Variants in FRMPD2 observed in about 807,000 individuals in gnomAD.
FRMPD2 encodes FERM and PDZ domain containing 2.
FRMPD2 carries 96 observed loss-of-function variants against 140.1 expected under a neutral mutation model. That is an observed-to-expected ratio of 0.69 (90% confidence interval 0.58 to 0.81). The LOEUF (loss-of-function observed/expected upper bound fraction) is 0.81, where lower values mean the gene tolerates loss of function less well. Ranked by LOEUF, FRMPD2 falls within the 40% of genes least tolerant of loss-of-function variation. FRMPD2 has a pLI of 0.00. For missense variants in FRMPD2, 1,240 were observed against 1,447.4 expected (o/e 0.86, Z 2.32); for synonymous variants, 449 against 547.6 (o/e 0.82, Z 2.52).
intron 1 of FRMPD2, among the ~76,000 whole-genome samples, chr10:48,255,896 G>C (rs1281532017): frequency 1.3e-5 from 2 of 152,258 alleles, no homozygotes; most frequent in South Asian, 2.1e-4. Flanking sequence ...CGGTAAGCCA[G>C]GGGTAGGCAG....
Position 48,185,651 on chromosome 10 carries a change from G to A in FRMPD2, c.2267-6C>T. 6.2e-7 allele frequency: 1 copy of A among 1,608,778 alleles called. No homozygotes were observed. The highest frequency in any genetic ancestry group is 8.5e-7 in the Non-Finnish European group (1 of 1,175,164). ...CCTCCTATTATTCTTTGAGCCTAGAGGTAGAATCAGAGCACCACATTGTGC... is the reference window on the plus strand; with the variant it reads ...CCTCCTATTATTCTTTGAGCCTAGAAGTAGAATCAGAGCACCACATTGTGC... On this transcript the variant is annotated splice_region_variant and splice_polypyrimidine_tract_variant and intron_variant, in intron 17 of 28. Transcript: ENST00000374201.
intron 4 of FRMPD2, among the ~76,000 whole-genome samples, chr10:48,244,527 C>A (rs1040470980): frequency 3.9e-5 from 6 of 152,186 alleles, no homozygotes; most frequent in Admixed American, 6.5e-5. Context: ...TTCCTCTGAG[C>A]GGAGATGGCC....
chr10:48,264,228 C>A (rs1460305329), intron 1 of FRMPD2, among the ~76,000 whole-genome samples: 1 of 151,438 alleles, frequency 6.6e-6, no homozygotes, highest in East Asian at 1.9e-4. Context: ...CTGCTAAGAT[C>A]AGGAAAAATA....
chr10:48,234,053 G>A (rs991781902), intron 9 of FRMPD2, among the ~76,000 whole-genome samples: 1 of 152,208 alleles, frequency 6.6e-6, no homozygotes, highest in Non-Finnish European at 1.5e-5. Context: ...TCCATGCAAA[G>A]GGTGTAACCC....
At position 48,240,389 on chromosome 10, in the gene FRMPD2, T is replaced by C; in HGVS notation, c.671A>G (p.Gln224Arg). The C allele has an allele frequency of 6.2e-7, 1 of 1,613,080 alleles. No homozygotes were observed. Among genetic ancestry groups the C allele is most frequent in the East Asian group, 2.2e-5 (1 of 44,890 alleles). The stretch of plus-strand genomic sequence containing the variant: ...GCAAGGATGCAGACACTCCGGGGCC[T>C]GTGCCGCTGGGCTCTCGCTGCTTGT... ...RGTSSESPAAQAPECLHPCRV... is the reference protein window; with the variant it reads ...RGTSSESPAARAPECLHPCRV... Residue 224 changes from glutamine to arginine, a missense_variant, in exon 6 of 29, where the codon CAG becomes CGG. Physicochemically the swap from Gln to Arg is conservative, Grantham distance 43. Transcript: ENST00000374201.
chr10:48,223,089 T>C (rs766077837), intron 11 of FRMPD2, 34 bp downstream of exon 11: 2 of 1,588,338 alleles, frequency 1.3e-6, no homozygotes, highest in Admixed American at 3.5e-5. Flanking sequence ...CATAAATCCC[T>C]TAAGGAACAA....
intron 14 of FRMPD2, among the ~76,000 whole-genome samples, chr10:48,203,254 G>A (rs563234306): frequency 6.6e-6 from 1 of 152,188 alleles, no homozygotes; most frequent in East Asian, 1.9e-4. Flanking sequence ...AGTGCTCCAA[G>A]GTATCAAACA....
At chr10:48,268,445 G>A (rs545919931) in intron 1 of FRMPD2, among the ~76,000 whole-genome samples, 14 of 152,356 alleles carry the variant, frequency 9.2e-5, no homozygotes, top group Admixed American at 4.6e-4. Context: ...GCATGTGAAC[G>A]TGTGTGTTTT....
At chr10:48,196,175 G>T (rs924878425) in intron 15 of FRMPD2, among the ~76,000 whole-genome samples, 2 of 152,182 alleles carry the variant, frequency 1.3e-5, no homozygotes, top group African/African-American at 4.8e-5. Context: ...CTGCAAGCTG[G>T]CATGAAAAAC....
intron 1 of FRMPD2, among the ~76,000 whole-genome samples, chr10:48,265,550 G>A (rs1225328742): frequency 2.0e-5 from 3 of 152,004 alleles, no homozygotes; most frequent in Admixed American, 2.0e-4. Context: ...TTAAAAAGTG[G>A]GCAAAGGATA....
At chr10:48,194,338 C>A (rs966107809) in intron 15 of FRMPD2, among the ~76,000 whole-genome samples, 1 of 152,174 alleles carries the variant, frequency 6.6e-6, no homozygotes, top group African/African-American at 2.4e-5. Context: ...ACTCCACAGT[C>A]CACGCTGGAA....
At chr10:48,181,067 T>A (rs1367980656) in intron 20 of FRMPD2, 59 bp from the exon 21 acceptor site, 66 of 1,122,340 alleles carry the variant, frequency 5.9e-5, no homozygotes, top group Non-Finnish European at 7.9e-5. Context: ...CTTGGTGGCA[T>A]CTCTATGTGG....
chr10:48,207,140 CTTT>C (rs72320753), intron 13 of FRMPD2, among the ~76,000 whole-genome samples: 8 of 141,266 alleles, frequency 5.7e-5, no homozygotes, highest in Non-Finnish European at 1.1e-4. Context: ...TAGAATTTTC[CTTT>C]TTTTTTTTTT....
intron 4 of FRMPD2, among the ~76,000 whole-genome samples, chr10:48,242,800 G>A (rs1840154824): frequency 6.6e-6 from 1 of 152,222 alleles, no homozygotes; most frequent in Non-Finnish European, 1.5e-5. Context: ...CATACAGACT[G>A]TGGCCTATTC....
chr10:48,162,012 T>C (rs1209944235), intron 28 of FRMPD2, among the ~76,000 whole-genome samples: 4 of 150,472 alleles, frequency 2.7e-5, no homozygotes, highest in African/African-American at 9.9e-5. Flanking sequence ...CCTTTCAATA[T>C]CCAAACAAGT....
intron 1 of FRMPD2, among the ~76,000 whole-genome samples, chr10:48,267,828 C>T (rs939165441): frequency 1.3e-5 from 2 of 152,184 alleles, no homozygotes; most frequent in Non-Finnish European, 2.9e-5. Flanking sequence ...AAATCAAGTA[C>T]TGATACATTC....
At chr10:48,202,737 G>C (rs1381063872) in intron 14 of FRMPD2, among the ~76,000 whole-genome samples, 3 of 152,128 alleles carry the variant, frequency 2.0e-5, no homozygotes, top group Non-Finnish European at 4.4e-5. Flanking sequence ...ACACTGATAG[G>C]CTTTCATGCA....
chr10:48,171,923 GA>G (rs1838268292), intron 25 of FRMPD2, among the ~76,000 whole-genome samples: 1 of 151,480 alleles, frequency 6.6e-6, no homozygotes, highest in African/African-American at 2.4e-5. Context: ...CAATTCTATG[GA>G]CAATGCTTTA....
At chr10:48,251,481 AAGC>A in intron 2 of FRMPD2, 82 bp downstream of exon 2, 2 of 1,550,632 alleles carry the variant, frequency 1.3e-6, no homozygotes, top group Non-Finnish European at 1.8e-6. Flanking sequence ...TGATTTAAAA[AAGC>A]AGCAGCAGCC....
Sources: gnomAD v4.1 joint callset for allele counts (sites outside exome capture counted in the v4.1 genomes callset) on GRCh38, gnomAD v4.1.1 for gene constraint, MANE v1.5 for transcripts, NCBI Gene and HGNC (gene_info 2026-07-23, HGNC 2026-07-21) for gene names.